Variants in GNA14 observed in about 807,000 individuals in gnomAD.
GNA14 encodes guanine nucleotide-binding protein subunit alpha-14.
GNA14 carries 50 observed loss-of-function variants against 42.0 expected under a neutral mutation model. The observed-to-expected ratio is 1.19, with a 90% CI of 0.95 to 1.51. The LOEUF (loss-of-function observed/expected upper bound fraction) is 1.51, where lower values mean the gene tolerates loss of function less well. Among genes scored for constraint, GNA14 ranks in the 40% most tolerant of loss-of-function variants. The pLI, the probability that GNA14 is intolerant of heterozygous loss-of-function variation, is 0.00. For synonymous variants in GNA14, 173 were observed against 163.1 expected (o/e 1.06, Z -0.46); for missense variants, 473 against 446.2 (o/e 1.06, Z -0.54).
intron 2 of GNA14, among the ~76,000 whole-genome samples, chr9:77,458,664 G>A (rs1390851525): frequency 1.3e-5 from 2 of 152,144 alleles, no homozygotes; most frequent in African/African-American, 4.8e-5. Flanking sequence ...TTACTGTACT[G>A]TTTTCCTAGA....
intron 2 of GNA14, among the ~76,000 whole-genome samples, chr9:77,509,702 C>T (rs1837128117): frequency 6.6e-6 from 1 of 152,158 alleles, no homozygotes. Context: ...CTTCATATTA[C>T]TTATTAATCA....
intron 2 of GNA14, among the ~76,000 whole-genome samples, chr9:77,511,649 C>G (rs1195833049): frequency 6.6e-6 from 1 of 152,152 alleles, no homozygotes; most frequent in Non-Finnish European, 1.5e-5. Flanking sequence ...TGGGCACAGA[C>G]CACACGCCCT....
chr9:77,557,178 T>C (rs1564053148), intron 1 of GNA14, among the ~76,000 whole-genome samples: 2 of 151,972 alleles, frequency 1.3e-5, no homozygotes, highest in South Asian at 2.1e-4. Context: ...TACATGCATA[T>C]ACGGAATAAA....
intron 5 of GNA14, 112 bp from the exon 6 acceptor site, chr9:77,425,827 C>T (rs1835446704): frequency 2.5e-6 from 2 of 805,592 alleles, no homozygotes; most frequent in African/African-American, 3.6e-5. Context: ...AGTCTCTGGG[C>T]CACTGTCTGC....
intron 1 of GNA14, among the ~76,000 whole-genome samples, chr9:77,542,205 T>C (rs1325303218): frequency 4.6e-5 from 7 of 152,208 alleles, no homozygotes; most frequent in Admixed American, 4.6e-4. Flanking sequence ...ATAAGATATG[T>C]ACATCTACTT....
At chr9:77,445,635 T>A (rs1449421508) in intron 2 of GNA14, among the ~76,000 whole-genome samples, 2 of 151,822 alleles carry the variant, frequency 1.3e-5, no homozygotes, top group Non-Finnish European at 2.9e-5. Context: ...CTCAGCTACT[T>A]GGCGACTGAG....
Position 77,624,807 on chromosome 9 carries a change from C to T in GNA14, c.124+22863G>A, listed in dbSNP as rs148558431. On this transcript the variant is annotated intron_variant, in intron 1 of 6. Transcript: ENST00000341700. ...TCATGAAGATGAGGAAAAATCAGCA[C>T]AAAAAGGCTGAAAATTCCAAAAACC... Among the ~76,000 whole-genome samples the T allele has an allele frequency of 4.1e-3, 623 of 152,140 alleles. 1 individual carries two copies. The highest frequency in any genetic ancestry group is 0.014 in the African/African-American group (567 of 41,516).
intron 1 of GNA14, among the ~76,000 whole-genome samples, chr9:77,605,872 A>G (rs922669275): frequency 9.2e-5 from 14 of 152,210 alleles, no homozygotes; most frequent in African/African-American, 3.4e-4. Context: ...ATTCCTTTCG[A>G]GTTCTAAGAT....
intron 1 of GNA14, among the ~76,000 whole-genome samples, chr9:77,541,540 T>G (rs986940502): frequency 6.6e-6 from 1 of 152,210 alleles, no homozygotes; most frequent in Non-Finnish European, 1.5e-5. Context: ...TTGTATCTGT[T>G]TGAGCATCTT....
At chr9:77,523,715 G>A (rs1837395266) in intron 2 of GNA14, among the ~76,000 whole-genome samples, 1 of 152,210 alleles carries the variant, frequency 6.6e-6, no homozygotes, top group African/African-American at 2.4e-5. Context: ...GCAGAGCAGA[G>A]GGGCAGCGAA....
At chr9:77,485,302 C>T (rs928975508) in intron 2 of GNA14, among the ~76,000 whole-genome samples, 2 of 152,162 alleles carry the variant, frequency 1.3e-5, no homozygotes, top group African/African-American at 4.8e-5. Flanking sequence ...GAAGGAACTC[C>T]TCATTTTTTC....
chr9:77,617,821 G>A (rs1432692071), intron 1 of GNA14, among the ~76,000 whole-genome samples: 1 of 151,942 alleles, frequency 6.6e-6, no homozygotes, highest in African/African-American at 2.4e-5. Context: ...GTCACTTCCT[G>A]GTACATTGTT....
Position 77,464,331 on chromosome 9 carries a change from ATGTGTGTGTGTG to A in GNA14, c.310-29821_310-29810del, listed in dbSNP as rs754670266. 5.9e-4 allele frequency among the ~76,000 whole-genome samples: 84 copies of A among 142,960 alleles called. No individual in the cohort carries two copies. In the East Asian group the frequency reaches 0.014, roughly 24 times the overall value. 93.8% of individuals were successfully genotyped at this position (142,960 alleles called of 152,430 possible). ...TGTATGTGAGAGTGTGTGTATATAT[ATGTGTGTGTGTG>A]TGTGTATATGTGTGTGTGTGTGTGT... is the stretch of plus-strand genomic sequence containing the variant. On this transcript the variant is annotated intron_variant, in intron 2 of 6. Coordinates refer to ENST00000341700, the MANE Select transcript of GNA14 (RefSeq NM_004297.4).
At chr9:77,596,608 G>A (rs1023521949) in intron 1 of GNA14, among the ~76,000 whole-genome samples, 2 of 152,144 alleles carry the variant, frequency 1.3e-5, no homozygotes, top group African/African-American at 4.8e-5. Context: ...GGAATAGGAA[G>A]AAGAGATTAT....
At position 77,566,145 on chromosome 9, in the gene GNA14, C is replaced by CTT. The variant is rs956489720; in HGVS notation, c.125-36894_125-36893dup. Among the ~76,000 whole-genome samples the CTT allele has an allele frequency of 9.8e-4, 100 of 102,472 alleles. 1 individual carries two copies. The highest frequency in any genetic ancestry group is 1.4e-3 in the African/African-American group (36 of 25,214). 67.2% of individuals were successfully genotyped at this position (102,472 alleles called of 152,430 possible). A position where few individuals can be genotyped will look rare whatever the true frequency, so the allele number is the denominator to read the frequency against. Reference sequence around the variant, plus strand: ...TCCTTGTCCACAAGTGGGAGTGCTTCTTTTTTTTTTTTTTTTTTTTTTTTT... The same window carrying CTT: ...TCCTTGTCCACAAGTGGGAGTGCTTCTTTTTTTTTTTTTTTTTTTTTTTTTTT... On this transcript the variant is annotated intron_variant, in intron 1 of 6. Transcript: ENST00000341700.
At chr9:77,438,119 AT>A (rs1173908904) in intron 2 of GNA14, among the ~76,000 whole-genome samples, 2 of 152,170 alleles carry the variant, frequency 1.3e-5, no homozygotes, top group Non-Finnish European at 2.9e-5. Context: ...GGTGAGGGGA[AT>A]TTGGAGAATC....
At chr9:77,529,949 T>G (rs1462998962) in intron 1 of GNA14, among the ~76,000 whole-genome samples, 1 of 152,230 alleles carries the variant, frequency 6.6e-6, no homozygotes, top group African/African-American at 2.4e-5. Flanking sequence ...AGTTGCAGTA[T>G]AAGTGATAGC....
intron 1 of GNA14, among the ~76,000 whole-genome samples, chr9:77,597,087 A>G (rs1429416538): frequency 6.6e-6 from 1 of 152,174 alleles, no homozygotes; most frequent in Non-Finnish European, 1.5e-5. Context: ...AACTTTCTAA[A>G]TTAACTGAGA....
chr9:77,607,647 A>G (rs188023217), intron 1 of GNA14, among the ~76,000 whole-genome samples: 3 of 152,120 alleles, frequency 2.0e-5, no homozygotes, highest in Non-Finnish European at 4.4e-5. Context: ...GCTGCTCTGT[A>G]TTTGTTTCTT....
Sources: allele counts gnomAD v4.1 joint callset (sites outside exome capture counted in the v4.1 genomes callset), GRCh38; gene constraint gnomAD v4.1.1; transcripts MANE v1.5; gene names NCBI Gene and HGNC (gene_info 2026-07-23, HGNC 2026-07-21).